Variants in LRRIQ1 observed in about 807,000 individuals in gnomAD.
LRRIQ1 encodes leucine-rich repeat- and IQ domain-containing protein 1.
Under a neutral mutation model 211.9 loss-of-function variants are expected in LRRIQ1, and 210 were observed. The observed-to-expected ratio is 0.99, with a 90% CI of 0.89 to 1.11. The LOEUF (loss-of-function observed/expected upper bound fraction) is 1.11, where lower values mean the gene tolerates loss of function less well. Among genes scored for constraint, LRRIQ1 ranks in the 50% most tolerant of loss-of-function variants. The probability of loss-of-function intolerance (pLI) is 0.00; values close to 1 mark genes in which losing one functional copy is unlikely to be tolerated. For synonymous variants in LRRIQ1, 699 were observed against 650.1 expected, an observed-to-expected ratio of 1.08 and a Z score of -1.14; for missense variants, 2,136 against 1,939.5, an observed-to-expected ratio of 1.10 and a Z score of -1.90.
At chr12:85,151,120 A>G (rs1292053132) in intron 19 of LRRIQ1, among the ~76,000 whole-genome samples, 1 of 151,328 alleles carries the variant, frequency 6.6e-6, no homozygotes, top group African/African-American at 2.4e-5. Flanking sequence ...ATATTAAACC[A>G]TATATAACTA....
chr12:85,053,725 T>A (rs1001811516), intron 7 of LRRIQ1, among the ~76,000 whole-genome samples: 1 of 152,206 alleles, frequency 6.6e-6, no homozygotes, highest in Non-Finnish European at 1.5e-5. Context: ...TTTTGTTTTT[T>A]AAGATGGAGT....
At chr12:85,152,212 T>G in intron 19 of LRRIQ1, 68 bp from the exon 20 acceptor site, 1 of 1,326,366 alleles carries the variant, frequency 7.5e-7, no homozygotes, top group Non-Finnish European at 1.0e-6. Context: ...GTCTATAAGA[T>G]GAATTAAAAG....
At chr12:85,254,259 C>G (rs1027130372) in intron 1 of LRRIQ1, among the ~76,000 whole-genome samples, 9 of 152,102 alleles carry the variant, frequency 5.9e-5, no homozygotes, top group Non-Finnish European at 1.2e-4. Flanking sequence ...CTCTTTTCTT[C>G]ATAAATTATG....
chr12:85,249,627 G>A (rs143836443), downstream of LRRIQ1, among the ~76,000 whole-genome samples: 3 of 151,886 alleles, frequency 2.0e-5, no homozygotes, highest in East Asian at 5.8e-4. Context: ...GCACATAGTA[G>A]GCACTTACAT....
At chr12:85,047,589 A>G (rs1172801341) in intron 6 of LRRIQ1, 119 bp downstream of exon 6, 16 of 769,666 alleles carry the variant, frequency 2.1e-5, no homozygotes, top group Non-Finnish European at 3.4e-5. Flanking sequence ...ACTCTCTGAT[A>G]GAGGAAGAAA....
At chr12:85,175,898 G>A (rs1891675339) in intron 24 of LRRIQ1, among the ~76,000 whole-genome samples, 1 of 152,048 alleles carries the variant, frequency 6.6e-6, no homozygotes, top group South Asian at 2.1e-4. Flanking sequence ...ATGCTTTTTT[G>A]GTTACTGTAG....
intron 14 of LRRIQ1, among the ~76,000 whole-genome samples, chr12:85,105,718 A>T (rs1422076163): frequency 6.6e-6 from 1 of 151,166 alleles, no homozygotes; most frequent in African/African-American, 2.4e-5. Flanking sequence ...ATTATGAATA[A>T]TTTTTAAATA....
At chr12:85,052,803 T>C (rs1012995437) in intron 7 of LRRIQ1, among the ~76,000 whole-genome samples, 1 of 152,078 alleles carries the variant, frequency 6.6e-6, no homozygotes, top group African/African-American at 2.4e-5. Context: ...TACTACACAT[T>C]GTCAAATTAA....
intron 10 of LRRIQ1, among the ~76,000 whole-genome samples, chr12:85,067,630 C>A (rs1882583279): frequency 6.6e-6 from 1 of 151,686 alleles, no homozygotes; most frequent in Non-Finnish European, 1.5e-5. Flanking sequence ...ATTTGCCCAC[C>A]TCAGTTTCCC....
intron 8 of LRRIQ1, 29 bp from the exon 9 acceptor site, chr12:85,065,233 A>G (rs1198705424): frequency 1.3e-6 from 2 of 1,586,518 alleles, no homozygotes; most frequent in Admixed American, 1.8e-5. Flanking sequence ...AAATAACACT[A>G]CACACTCCAA....
intron 7 of LRRIQ1, 118 bp from the exon 8 acceptor site, chr12:85,055,429 A>G (rs1372166724): frequency 1.2e-6 from 1 of 810,152 alleles, no homozygotes; most frequent in African/African-American, 1.8e-5. Flanking sequence ...TAAATTTTAT[A>G]GAAACTTTAT....
chr12:85,221,103 C>T (rs371523787), intron 24 of LRRIQ1, among the ~76,000 whole-genome samples: 1 of 152,010 alleles, frequency 6.6e-6, no homozygotes, highest in East Asian at 1.9e-4. Context: ...TGAGCCACCA[C>T]GCCTGGCCTG....
intron 17 of LRRIQ1, among the ~76,000 whole-genome samples, chr12:85,127,101 G>A (rs369500874): frequency 2.6e-3 from 395 of 152,278 alleles, no homozygotes; most frequent in African/African-American, 9.0e-3. Flanking sequence ...AATAATCTAT[G>A]TTGGGAAAGT....
chr12:85,268,875 T>G (rs887303739), downstream of LRRIQ1, among the ~76,000 whole-genome samples: 1 of 151,956 alleles, frequency 6.6e-6, no homozygotes, highest in South Asian at 2.1e-4. Context: ...TTGACCTAGA[T>G]CCAATAAACA....
intron 2 of LRRIQ1, among the ~76,000 whole-genome samples, 186 bp downstream of exon 2, chr12:85,038,494 T>C (rs954844980): frequency 6.6e-6 from 1 of 151,722 alleles, no homozygotes. Flanking sequence ...ATTATCATTA[T>C]ATATATTTAT....
intron 11 of LRRIQ1, among the ~76,000 whole-genome samples, chr12:85,090,588 G>C (rs186849020): frequency 8.3e-4 from 127 of 152,258 alleles, no homozygotes; most frequent in Admixed American, 3.8e-3. Context: ...TTCCTTGCTG[G>C]GTTTTGAATT....
At chr12:85,068,614 A>G (rs1235529275) in intron 10 of LRRIQ1, among the ~76,000 whole-genome samples, 1 of 151,950 alleles carries the variant, frequency 6.6e-6, no homozygotes. Flanking sequence ...ACCCCATTGC[A>G]TTATAACACC....
At chr12:85,096,742 C>T (rs1010457644) in intron 11 of LRRIQ1, among the ~76,000 whole-genome samples, 1 of 152,126 alleles carries the variant, frequency 6.6e-6, no homozygotes, top group Non-Finnish European at 1.5e-5. Flanking sequence ...GATGATCTGT[C>T]TAATGCTATC....
In LRRIQ1 at chr12:85,054,738, A is replaced by T. The variant is rs149881981; in HGVS notation, c.754-809A>T. 2.6e-3 allele frequency among the ~76,000 whole-genome samples: 393 copies of T among 152,160 alleles called. 3 individuals carry two copies. The highest frequency in any genetic ancestry group is 8.4e-3 in the African/African-American group (348 of 41,558). On this transcript the variant is annotated intron_variant, in intron 7 of 26. Transcript: ENST00000393217. ...TCGTTTTTATTTGAACACTTGAAAT[A>T]TGAGGTTATTCCTGTTTAAATATTT...
Sources: allele counts gnomAD v4.1 joint callset (sites outside exome capture counted in the v4.1 genomes callset), GRCh38; gene constraint gnomAD v4.1.1; transcripts MANE v1.5; gene names NCBI Gene and HGNC (gene_info 2026-07-23, HGNC 2026-07-21).